Variants in LRP1B observed in about 807,000 individuals in gnomAD.
LRP1B encodes the protein low-density lipoprotein receptor-related protein 1B.
LRP1B carries 217 observed loss-of-function variants against 556.6 expected under a neutral mutation model. The ratio of observed to expected loss-of-function variants is 0.39; its 90% CI spans 0.35 to 0.44. LRP1B has a LOEUF of 0.44. Among genes scored for constraint, LRP1B ranks in the 20% least tolerant of loss-of-function variants. The probability of loss-of-function intolerance (pLI) is 1.00; values close to 1 mark genes in which losing one functional copy is unlikely to be tolerated. For synonymous variants in LRP1B, 2,047 were observed against 1,865.8 expected, an observed-to-expected ratio of 1.10 and a Z score of -2.50; for missense variants, 5,053 against 5,620.8, an observed-to-expected ratio of 0.90 and a Z score of 3.23.
At chr2:142,053,719 T>C (rs1333592446) in intron 1 of LRP1B, among the ~76,000 whole-genome samples, 6 of 152,126 alleles carry the variant, frequency 3.9e-5, no homozygotes, top group Non-Finnish European at 7.4e-5. Flanking sequence ...AAAAAGACCA[T>C]TGGCCACTAA....
chr2:140,734,193 T>C (rs1342397814), intron 35 of LRP1B, among the ~76,000 whole-genome samples: 1 of 152,192 alleles, frequency 6.6e-6, no homozygotes, highest in Non-Finnish European at 1.5e-5. Flanking sequence ...TCCTGCTCTC[T>C]AGGAAAACGA....
intron 1 of LRP1B, among the ~76,000 whole-genome samples, chr2:142,126,356 C>G (rs1260309490): frequency 6.6e-6 from 1 of 151,296 alleles, no homozygotes; most frequent in Non-Finnish European, 1.5e-5. Context: ...AATTTTCAAG[C>G]CAGAGTGGTA....
rs114069489 is a variant in LRP1B at position 142,001,276 on chromosome 2, T to G, written c.82+129372A>C. 3.5e-3 allele frequency among the ~76,000 whole-genome samples: 539 copies of G among 152,316 alleles called. 3 individuals carry two copies. The highest frequency in any genetic ancestry group is 0.012 in the African/African-American group (508 of 41,570). The stretch of plus-strand genomic sequence containing the variant: ...TTTTTATTCTACCTACTGTCTCTGG[T>G]AGATACATCTGCTTAAACACAGCTC... On this transcript the variant is annotated intron_variant, in intron 1 of 90. Transcript: ENST00000389484.
intron 2 of LRP1B, among the ~76,000 whole-genome samples, chr2:141,761,326 T>C (rs933433537): frequency 6.7e-6 from 1 of 149,074 alleles, no homozygotes; most frequent in East Asian, 2.0e-4. Context: ...CTTTATTTAA[T>C]GCCTCAGGAA....
At position 140,950,381 on chromosome 2, in the gene LRP1B, C is replaced by T. The variant is rs1695677355; in HGVS notation, c.2990G>A (p.Ser997Asn). ...AGAGTGAACACAGCCCACCTCATCA[C>T]TCCCGTCCCCACAGTCGTCATCTGG... ...CDSDDDCGDG[S>N]DEVGCVHSCF... The change falls in exon 20 of 91, where the codon AGT becomes AAT. Residue 997 changes from serine (S) to asparagine (N), a missense_variant. Coordinates refer to ENST00000389484, the MANE Select transcript of LRP1B (RefSeq NM_018557.3). 6.2e-7 allele frequency: 1 copy of T among 1,608,158 alleles called. No individual in the cohort carries two copies. The highest frequency in any genetic ancestry group is 1.1e-5 in the South Asian group (1 of 89,768).
intron 1 of LRP1B, among the ~76,000 whole-genome samples, chr2:142,017,595 G>A (rs56050234): frequency 0.017 from 2,550 of 152,088 alleles, 70 homozygotes; most frequent in African/African-American, 0.058. Context: ...GTTGTCATTC[G>A]GTCACGGAGA....
chr2:141,044,382 A>G (rs1340613057), intron 11 of LRP1B, among the ~76,000 whole-genome samples: 3 of 151,820 alleles, frequency 2.0e-5, no homozygotes, highest in Non-Finnish European at 2.9e-5. Context: ...TGTCTAAAAC[A>G]CCAAAAGCAA....
At chr2:140,420,686 A>G (rs763659917) in intron 66 of LRP1B, among the ~76,000 whole-genome samples, 4 of 152,230 alleles carry the variant, frequency 2.6e-5, no homozygotes, top group African/African-American at 4.8e-5. Flanking sequence ...AAAAGAATTA[A>G]TATTTGATAG....
chr2:141,510,224 ACACACACACACC>A (rs1472687623), intron 2 of LRP1B, among the ~76,000 whole-genome samples: 91 of 150,798 alleles, frequency 6.0e-4, no homozygotes, highest in African/African-American at 2.1e-3. Context: ...ACACACACAC[ACACACACACACC>A]CCCCACAGTC....
intron 11 of LRP1B, among the ~76,000 whole-genome samples, chr2:141,036,961 G>A (rs1353620183): frequency 6.6e-6 from 1 of 151,970 alleles, no homozygotes; most frequent in Non-Finnish European, 1.5e-5. Context: ...AGGAGGAGAA[G>A]GGCCCACCTT....
intron 89 of LRP1B, among the ~76,000 whole-genome samples, chr2:140,236,432 A>C (rs1680701001): frequency 6.6e-6 from 1 of 151,166 alleles, no homozygotes; most frequent in Non-Finnish European, 1.5e-5. Flanking sequence ...CATAATACTA[A>C]ATTGATACTC....
chr2:140,358,630 A>C (rs1682354089), intron 73 of LRP1B, among the ~76,000 whole-genome samples, 191 bp downstream of exon 73: 1 of 151,730 alleles, frequency 6.6e-6, no homozygotes, highest in African/African-American at 2.4e-5. Context: ...GGAACTATGG[A>C]TAAAGGTGCA....
chr2:141,026,674 G>C (rs969019650), intron 11 of LRP1B, among the ~76,000 whole-genome samples: 1 of 152,068 alleles, frequency 6.6e-6, no homozygotes, highest in Non-Finnish European at 1.5e-5. Flanking sequence ...AGGAGGCCAA[G>C]TTCTTAATAA....
rs532096658 is a variant in LRP1B at position 141,754,035 on chromosome 2, C to A, written c.205+56244G>T. Among the ~76,000 whole-genome samples, 10 of 152,286 alleles carry A rather than the reference C, an allele frequency of 6.6e-5. No homozygotes were observed. In the South Asian group the frequency reaches 1.0e-3, roughly 16 times the overall value. Reference sequence around the variant, plus strand: ...TCATAGCTATCTAGTTGTAGCTGCACTAGCATGCCCTGTACTATTGAAAAC... The same window carrying A: ...TCATAGCTATCTAGTTGTAGCTGCAATAGCATGCCCTGTACTATTGAAAAC... On this transcript the variant is annotated intron_variant, in intron 2 of 90. Coordinates refer to ENST00000389484, the MANE Select transcript of LRP1B (RefSeq NM_018557.3).
intron 3 of LRP1B, among the ~76,000 whole-genome samples, chr2:141,334,875 A>G (rs1687788674): frequency 1.3e-5 from 2 of 152,276 alleles, no homozygotes; most frequent in Admixed American, 1.3e-4. Flanking sequence ...TTTTTTAAAA[A>G]GACAGAAAGA....
chr2:140,423,300 C>T (rs919754284), intron 66 of LRP1B, among the ~76,000 whole-genome samples: 3 of 151,990 alleles, frequency 2.0e-5, no homozygotes, highest in Non-Finnish European at 4.4e-5. Flanking sequence ...TGTATCTCCC[C>T]CACAAAAAAT....
intron 1 of LRP1B, among the ~76,000 whole-genome samples, chr2:141,840,257 C>CTTTTTTTTTTTT (rs565362139): frequency 1.2e-5 from 1 of 84,230 alleles, no homozygotes; most frequent in Non-Finnish European, 2.2e-5. Flanking sequence ...AACAAATTTC[C>CTTTTTTTTTTTT]TTTTTTTTTT....
chr2:140,348,713 T>C (rs1681809278), intron 77 of LRP1B, among the ~76,000 whole-genome samples: 1 of 152,066 alleles, frequency 6.6e-6, no homozygotes, highest in Admixed American at 6.6e-5. Context: ...AACACATTAA[T>C]AAAGTTAAAG....
intron 63 of LRP1B, 148 bp downstream of exon 63, chr2:140,450,420 T>C (rs1038354864): frequency 6.5e-5 from 43 of 659,378 alleles, no homozygotes; most frequent in Non-Finnish European, 1.1e-4. Flanking sequence ...AATTTTTATC[T>C]TACTTTTAAA....
Sources: gnomAD v4.1 joint callset for allele counts (sites outside exome capture counted in the v4.1 genomes callset) on GRCh38, gnomAD v4.1.1 for gene constraint, MANE v1.5 for transcripts, NCBI Gene and HGNC (gene_info 2026-07-23, HGNC 2026-07-21) for gene names.